The following KIT variants were observed in gnomAD, a reference collection of about 807,000 sequenced individuals.
KIT encodes KIT proto-oncogene, receptor tyrosine kinase.
A neutral mutation model predicts 105.7 loss-of-function variants in KIT; 16 were observed. The observed-to-expected ratio is 0.15, with a 90% CI of 0.10 to 0.23. The LOEUF (loss-of-function observed/expected upper bound fraction) is 0.23, where lower values mean the gene tolerates loss of function less well. KIT is among the 10% of genes least tolerant of loss of function. The probability of loss-of-function intolerance (pLI) is 1.00; values close to 1 mark genes in which losing one functional copy is unlikely to be tolerated. For missense variants in KIT, 858 were observed against 1,213.8 expected (o/e 0.71, Z 4.36); for synonymous variants, 438 against 441.1 (o/e 0.99, Z 0.09).
intron 7 of KIT, among the ~76,000 whole-genome samples, chr4:54,722,344 A>G (rs1363735002): frequency 1.3e-5 from 2 of 152,150 alleles, no homozygotes; most frequent in Non-Finnish European, 2.9e-5. Context: ...AGCTCTCTGT[A>G]TGTGCCATCT....
At chr4:54,707,003 A>G in intron 5 of KIT, 95 bp from the exon 6 acceptor site, 1 of 719,248 alleles carries the variant, frequency 1.4e-6, no homozygotes, top group African/African-American at 1.8e-5. Context: ...ACTGGAAATC[A>G]ACCAATTGTT....
chr4:54,734,673 A>G (rs780357595), intron 17 of KIT, among the ~76,000 whole-genome samples: 4 of 152,122 alleles, frequency 2.6e-5, no homozygotes, highest in Non-Finnish European at 4.4e-5. Context: ...GGAAACTCAT[A>G]TATGTTACCG....
intron 7 of KIT, among the ~76,000 whole-genome samples, chr4:54,720,188 C>T (rs534224008): frequency 5.9e-5 from 9 of 152,114 alleles, no homozygotes; most frequent in Admixed American, 3.3e-4. Flanking sequence ...TCTGGAGGTG[C>T]GGCCCAGGAA....
chr4:54,734,798 C>T (rs911603529), intron 17 of KIT, among the ~76,000 whole-genome samples: 6 of 152,128 alleles, frequency 3.9e-5, no homozygotes, highest in Admixed American at 6.6e-5. Context: ...CTTTTAGAGC[C>T]TGGTAAAGCC....
chr4:54,732,312 A>G lies in KIT; in HGVS notation c.2361+314A>G, dbSNP rs12641901. Among the ~76,000 whole-genome samples, 193 of 152,240 alleles carry G rather than the reference A, an allele frequency of 1.3e-3. 3 individuals carry two copies. The East Asian group carries it at 0.015, about 12-fold the overall frequency. On this transcript the variant is annotated intron_variant, in intron 16 of 20. Transcript: ENST00000288135. ...TTTAGGATATAGGATATGTTCCTAG[A>G]GAACAGAATCATTTTATCAGTAAAA...
At chr4:54,665,425 A>G (rs1005694776) in intron 1 of KIT, among the ~76,000 whole-genome samples, 2 of 152,196 alleles carry the variant, frequency 1.3e-5, no homozygotes, top group African/African-American at 2.4e-5. Flanking sequence ...TGGGCAGAAG[A>G]TGGGCTCTTT....
intron 1 of KIT, among the ~76,000 whole-genome samples, chr4:54,665,396 G>A (rs1347399793): frequency 2.6e-5 from 4 of 152,156 alleles, no homozygotes; most frequent in South Asian, 4.1e-4. Flanking sequence ...TCATGGCTGC[G>A]AGCTACATGT....
intron 1 of KIT, among the ~76,000 whole-genome samples, chr4:54,691,123 T>A (rs1719678948): frequency 6.6e-6 from 1 of 152,212 alleles, no homozygotes; most frequent in South Asian, 2.1e-4. Flanking sequence ...AGAATTGACA[T>A]GGGTCATCTT....
chr4:54,679,161 G>T (rs1718724767), intron 1 of KIT, among the ~76,000 whole-genome samples: 1 of 152,176 alleles, frequency 6.6e-6, no homozygotes, highest in Non-Finnish European at 1.5e-5. Flanking sequence ...TGAAACACAT[G>T]CACTGCCTTC....
chr4:54,731,452 A>T (rs755351698), intron 15 of KIT, 33 bp downstream of exon 15: 1 of 1,360,338 alleles, frequency 7.4e-7, no homozygotes, highest in East Asian at 2.3e-5. Context: ...ACCAAGAGTA[A>T]CTTTACAGAG....
At chr4:54,692,776 A>G (rs890002229) in intron 1 of KIT, among the ~76,000 whole-genome samples, 5 of 152,214 alleles carry the variant, frequency 3.3e-5, no homozygotes, top group Non-Finnish European at 7.3e-5. Flanking sequence ...AGCGGACTCA[A>G]CGTCTCACTC....
intron 1 of KIT, among the ~76,000 whole-genome samples, chr4:54,674,443 A>G (rs930819408): frequency 4.6e-5 from 7 of 152,174 alleles, no homozygotes; most frequent in African/African-American, 1.7e-4. Context: ...GTAGTTTGTC[A>G]TCTAGAGTTG....
At chr4:54,678,442 T>C (rs1346585766) in intron 1 of KIT, among the ~76,000 whole-genome samples, 2 of 150,112 alleles carry the variant, frequency 1.3e-5, no homozygotes, top group Non-Finnish European at 3.0e-5. Flanking sequence ...CTTCTCTTCT[T>C]GCTGTCAAGT....
intron 7 of KIT, among the ~76,000 whole-genome samples, chr4:54,714,355 C>T (rs546718046): frequency 8.2e-5 from 11 of 134,622 alleles, no homozygotes; most frequent in Non-Finnish European, 1.3e-4. Flanking sequence ...TATTAAATGT[C>T]ACACAATGAG....
chr4:54,670,998 C>T (rs1577917411), intron 1 of KIT, among the ~76,000 whole-genome samples: 3 of 152,156 alleles, frequency 2.0e-5, no homozygotes, highest in South Asian at 2.1e-4. Context: ...TAATAACTGT[C>T]GGTCTGTTTG....
rs1408289786 is a variant in KIT, at chr4:54,739,293, T to C, written c.*736T>C. Reference sequence around the variant, plus strand: ...GGAAAACACCATAAGGTTTCGTTTCTGTATACAACCCTGGCATTATGTCCA... The same window carrying C: ...GGAAAACACCATAAGGTTTCGTTTCCGTATACAACCCTGGCATTATGTCCA... On this transcript the variant is annotated 3_prime_UTR_variant, in exon 21 of 21. Transcript: ENST00000288135. 1 of 240,688 alleles carries C rather than the reference T, an allele frequency of 4.2e-6. No homozygotes were observed. The highest frequency in any genetic ancestry group is 8.1e-6 in the Non-Finnish European group (1 of 123,264). The allele number at this position is 240,688 out of a possible 1,614,324, so 14.9% of individuals were successfully genotyped here.
Position 54,698,511 on chromosome 4 carries a change from G to T in KIT, c.565G>T (p.Asp189Tyr), listed in dbSNP as rs2109674401. ...TCGGCTCTGTCTGCATTGTTCTGTGGACCAGGAGGGCAAGTCAGTGCTGTC... is the reference window on the plus strand; with the variant it reads ...TCGGCTCTGTCTGCATTGTTCTGTGTACCAGGAGGGCAAGTCAGTGCTGTC... ...YHRLCLHCSV[D>Y]QEGKSVLSEK... is the part of the protein sequence containing the mutation. The change falls in exon 3 of 21, where the codon GAC becomes TAC. Residue 189 changes from aspartate to tyrosine, a missense_variant. By Grantham distance (160) the Asp-to-Tyr change is radical. Transcript: ENST00000288135. The T allele has an allele frequency of 1.2e-6, 2 of 1,614,176 alleles. No individual in the cohort carries two copies. The highest frequency in any genetic ancestry group is 1.1e-5 in the South Asian group (1 of 91,078).
At chr4:54,729,304 T>C in intron 13 of KIT, 31 bp from the exon 14 acceptor site, 7 of 1,611,300 alleles carry the variant, frequency 4.3e-6, no homozygotes, top group Non-Finnish European at 5.9e-6. Flanking sequence ...ATATCTCACC[T>C]TCTTTCTAAC....
In KIT at chr4:54,703,868, G is replaced by A. The variant is rs1720613744; in HGVS notation, c.901G>A (p.Val301Ile). 1 of 1,613,838 alleles carries A rather than the reference G, an allele frequency of 6.2e-7. No homozygotes were observed. Among genetic ancestry groups the A allele is most frequent in the East Asian group, 2.2e-5 (1 of 44,856 alleles). ...YANNTFGSAN[V>I]TTTLEVVDKG... ...CAATAATACTTTTGGATCAGCAAAT[G>A]TCACAACAACCTTGGAAGTAGTAGG... The change falls in exon 5 of 21, where the codon GTC (valine) becomes ATC (isoleucine). Residue 301 changes from valine (V) to isoleucine (I), a missense_variant. By Grantham distance (29) the Val-to-Ile change is conservative. This residue lies in a region of KIT where 401 missense variants were observed against 601.0 expected (regional missense o/e 0.67). Coordinates refer to ENST00000288135, the MANE Select transcript of KIT (RefSeq NM_000222.3).
Sources: allele counts gnomAD v4.1 joint callset (sites outside exome capture counted in the v4.1 genomes callset), GRCh38; gene constraint gnomAD v4.1.1; regional missense constraint gnomAD v4.1.1; transcripts MANE v1.5; gene names NCBI Gene and HGNC (gene_info 2026-07-23, HGNC 2026-07-21).